GPX3: variants seen among roughly 807,000 people sequenced by gnomAD.
GPX3 encodes the protein glutathione peroxidase 3.
GPX3 carries 22 observed loss-of-function variants against 25.1 expected under a neutral mutation model. The ratio of observed to expected loss-of-function variants is 0.88; its 90% CI spans 0.63 to 1.25. The LOEUF (loss-of-function observed/expected upper bound fraction) is 1.25, where lower values mean the gene tolerates loss of function less well. Among genes scored for constraint, GPX3 ranks in the 50% most tolerant of loss-of-function variants. The pLI is 0.00. For synonymous variants in GPX3, 110 were observed against 114.5 expected (o/e 0.96, Z 0.25); for missense variants, 278 against 286.6 (o/e 0.97, Z 0.22).
chr5:151,027,439 C>A lies in GPX3; in HGVS notation c.367C>A (p.Arg123=). The change falls in exon 4 of 5, where the codon CGA becomes AGA. Residue 123 remains arginine, a synonymous_variant. Coordinates refer to ENST00000388825, the MANE Select transcript of GPX3 (RefSeq NM_002084.5). ...AAGAACATTTCTCAACAGGTATGTC[C>A]GACCAGGTGGAGGCTTTGTCCCTAA... ...SEILPTLKYV[R]PGGGFVPNFQ... The A allele has an allele frequency of 6.2e-7, 1 of 1,611,410 alleles. No homozygotes were observed. The highest frequency in any genetic ancestry group is 1.1e-5 in the South Asian group (1 of 91,004).
chr5:151,023,300 C>T (rs1356660864), intron 1 of GPX3, among the ~76,000 whole-genome samples: 1 of 152,162 alleles, frequency 6.6e-6, no homozygotes, highest in Non-Finnish European at 1.5e-5. Flanking sequence ...CACCTTCTGA[C>T]CCCCACTATC....
At chr5:151,023,585 A>G (rs1427617663) in intron 1 of GPX3, among the ~76,000 whole-genome samples, 1 of 151,908 alleles carries the variant, frequency 6.6e-6, no homozygotes, top group Non-Finnish European at 1.5e-5. Flanking sequence ...TTTTTCCTCC[A>G]TGTCTCAGAG....
chr5:151,028,064 C>A lies in GPX3; in HGVS notation c.615C>A (p.Ser205Arg), dbSNP rs368970475. The change falls in exon 5 of 5, where the codon AGC (serine) becomes AGA (arginine). Residue 205 changes from serine (S) to arginine (R), a missense_variant. By Grantham distance (110) the Ser-to-Arg change is moderately radical (BLOSUM62 -1). Coordinates refer to ENST00000388825, the MANE Select transcript of GPX3 (RefSeq NM_002084.5). ...IMRWHHRTTVSNVKMDILSYM... is the reference protein window; with the variant it reads ...IMRWHHRTTVRNVKMDILSYM... ...GCTGGCACCACCGGACCACGGTCAGCAACGTCAAGATGGACATCCTGTCCT... is the reference window on the plus strand; with the variant it reads ...GCTGGCACCACCGGACCACGGTCAGAAACGTCAAGATGGACATCCTGTCCT... 3.1e-5 allele frequency: 50 copies of A among 1,612,612 alleles called. No homozygotes were observed. The highest frequency in any genetic ancestry group is 3.6e-5 in the Non-Finnish European group (42 of 1,179,320).
At chr5:151,025,554 G>C in intron 2 of GPX3, 61 bp downstream of exon 2, 1 of 1,434,980 alleles carries the variant, frequency 7.0e-7, no homozygotes, top group Non-Finnish European at 9.4e-7. Flanking sequence ...TCAATCACAG[G>C]AGCTTTTCTG....
chr5:151,025,630 T>C, intron 2 of GPX3, 137 bp downstream of exon 2: 1 of 714,210 alleles, frequency 1.4e-6, no homozygotes, highest in Non-Finnish European at 2.2e-6. Flanking sequence ...TCCACTGTGT[T>C]CCGTGGTTTT....
rs765755875 is a variant in GPX3, at chr5:151,027,574, C to T, written c.459+43C>T. On this transcript the variant is annotated intron_variant, in intron 4 of 4. Transcript: ENST00000388825. ...TGTGCTGGCTGGGGCTGCAGCCCCT[C>T]CTGGCTCCAGCCCACAGCGTCAGGG... 4 of 1,294,046 alleles carry T rather than the reference C, an allele frequency of 3.1e-6. No homozygotes were observed. The South Asian group carries it at 3.6e-5, about 12-fold the overall frequency. The allele number at this position is 1,294,046 out of a possible 1,614,324, so 80.2% of individuals were successfully genotyped here.
At chr5:151,026,433 G>C (rs8177441) in intron 2 of GPX3, 33,440 of 154,074 alleles carry the variant, frequency 0.22, 4,066 homozygotes, top group East Asian at 0.58. Flanking sequence ...TGCTGCAAAA[G>C]AGACCAGGGG....
chr5:151,027,267 T>G (rs1254625175), intron 3 of GPX3, among the ~76,000 whole-genome samples, 165 bp from the exon 4 acceptor site: 3 of 152,220 alleles, frequency 2.0e-5, no homozygotes, highest in Non-Finnish European at 4.4e-5. Flanking sequence ...AGGAAGACCG[T>G]GGACTCACAT....
Position 151,025,632 on chromosome 5 carries a change from C to G in GPX3, c.241+139C>G, listed in dbSNP as rs57668436. On this transcript the variant is annotated intron_variant, in intron 2 of 4. Coordinates refer to ENST00000388825, the MANE Select transcript of GPX3 (RefSeq NM_002084.5). The stretch of plus-strand genomic sequence containing the variant: ...CCCTTTTCTCAGCTCCACTGTGTTC[C>G]GTGGTTTTGTGAAGATGATTATATA... The G allele has an allele frequency of 2.2e-3, 1,543 of 697,344 alleles. 26 individuals are homozygous for G. The African/African-American group carries it at 0.025, about 11-fold the overall frequency. The allele number at this position is 697,344 out of a possible 1,614,324, so 43.2% of individuals were successfully genotyped here.
chr5:151,025,303 C>T (rs1432523470), intron 1 of GPX3, 37 bp from the exon 2 acceptor site: 1 of 1,487,928 alleles, frequency 6.7e-7, no homozygotes, highest in East Asian at 2.5e-5. Flanking sequence ...AAGTTCCTTT[C>T]CAGCTCTAAC....
At chr5:151,026,376 C>G (rs1756548561) in intron 2 of GPX3, 1 of 152,500 alleles carries the variant, frequency 6.6e-6, no homozygotes, top group Admixed American at 6.5e-5. Context: ...TTCTCTCTAG[C>G]CTTGGAACAG....
intron 1 of GPX3, 188 bp downstream of exon 1, chr5:151,020,929 G>A (rs993766451): frequency 1.5e-6 from 1 of 685,804 alleles, no homozygotes; most frequent in Non-Finnish European, 2.6e-6. Context: ...TCGTCGTCTC[G>A]TAGTTCCATC....
At position 151,020,783 on chromosome 5, in the gene GPX3, G is replaced by A. The variant is rs746451143; in HGVS notation, c.87+42G>A. The A allele has an allele frequency of 3.9e-6, 6 of 1,551,194 alleles. No individual in the cohort carries two copies. The Admixed American group carries it at 6.9e-5, about 18-fold the overall frequency. ...GCCGGGGGCCGGGAGAAAAAACCTA[G>A]CCCCTCGGTGTCCAGCGCTCAGTGC... On this transcript the variant is annotated intron_variant, in intron 1 of 4. Transcript: ENST00000388825.
chr5:151,027,809 G>C, intron 4 of GPX3, 100 bp from the exon 5 acceptor site: 1 of 998,530 alleles, frequency 1.0e-6, no homozygotes, highest in East Asian at 2.4e-5. Flanking sequence ...CCAAACTGGG[G>C]CTCTTTTCTC....
intron 1 of GPX3, chr5:151,020,978 A>G: frequency 1.7e-6 from 1 of 588,780 alleles, no homozygotes; most frequent in Non-Finnish European, 3.1e-6. Context: ...GGCGGGCAGA[A>G]TGACTAAGGG....
chr5:151,020,668 T>A lies in GPX3; in HGVS notation c.14T>A (p.Leu5Gln). ...CCCCACCCCGCCATGGCCCGGCTGC[T>A]GCAGGCGTCCTGCCTGCTTTCCCTG... is the stretch of plus-strand genomic sequence containing the variant. MARL[L>Q]QASCLLSLLL... is the part of the protein sequence containing the mutation. Residue 5 changes from leucine to glutamine, a missense_variant, in exon 1 of 5, where the codon CTG (leucine) becomes CAG (glutamine). Leu to Gln is a moderately radical substitution (Grantham distance 113). Coordinates refer to ENST00000388825, the MANE Select transcript of GPX3 (RefSeq NM_002084.5). 2 of 1,610,124 alleles carry A rather than the reference T, an allele frequency of 1.2e-6. No individual in the cohort carries two copies. The highest frequency in any genetic ancestry group is 1.7e-6 in the Non-Finnish European group (2 of 1,178,738).
Position 151,028,343 on chromosome 5 carries a change from G to A in GPX3, c.*213G>A. 2 of 572,052 alleles carry A rather than the reference G, an allele frequency of 3.5e-6. No individual in the cohort carries two copies. The highest frequency in any genetic ancestry group is 6.3e-6 in the Non-Finnish European group (2 of 316,638). 35.4% of individuals were successfully genotyped at this position (572,052 alleles called of 1,614,324 possible). On this transcript the variant is annotated 3_prime_UTR_variant, in exon 5 of 5. Coordinates refer to ENST00000388825, the MANE Select transcript of GPX3 (RefSeq NM_002084.5). Reference sequence around the variant, plus strand: ...TGTTTACACACATGCCTACAGGTATGCGTGATTGTGTGTGTGTGCATGGGT... The same window carrying A: ...TGTTTACACACATGCCTACAGGTATACGTGATTGTGTGTGTGTGCATGGGT...
chr5:151,020,594 C>A lies in GPX3; in HGVS notation c.-61C>A. 5 of 1,436,152 alleles carry A rather than the reference C, an allele frequency of 3.5e-6. No homozygotes were observed. In the South Asian group the frequency reaches 6.3e-5, roughly 18 times the overall value. 89.0% of individuals were successfully genotyped at this position (1,436,152 alleles called of 1,614,324 possible). On this transcript the variant is annotated 5_prime_UTR_variant, in exon 1 of 5. Transcript: ENST00000388825. ...GGCTGGGAGCGCCGGACACCTCAGACGGACGGTGGCCAGGGATCAGGCAGC... is the reference window on the plus strand; with the variant it reads ...GGCTGGGAGCGCCGGACACCTCAGAAGGACGGTGGCCAGGGATCAGGCAGC...
intron 2 of GPX3, among the ~76,000 whole-genome samples, 167 bp downstream of exon 2, chr5:151,025,660 C>T (rs1756537345): frequency 6.6e-6 from 1 of 152,176 alleles, no homozygotes; most frequent in Non-Finnish European, 1.5e-5. Context: ...ATTATATAAG[C>T]CTGAGGTCTG....
Sources: gnomAD v4.1 joint callset for allele counts (sites outside exome capture counted in the v4.1 genomes callset) on GRCh38, gnomAD v4.1.1 for gene constraint, MANE v1.5 for transcripts, NCBI Gene and HGNC (gene_info 2026-07-23, HGNC 2026-07-21) for gene names.